Variants in PHF2 observed in about 807,000 individuals in gnomAD.
The protein encoded by PHF2 is PHD finger protein 2, also known as lysine-specific demethylase PHF2.
In PHF2, 27 loss-of-function variants were observed where a neutral mutation model predicts 120.5. That is an observed-to-expected ratio of 0.22 (90% CI 0.17 to 0.31). The LOEUF (loss-of-function observed/expected upper bound fraction) is 0.31, where lower values mean the gene tolerates loss of function less well. Among genes scored for constraint, PHF2 ranks in the 10% least tolerant of loss-of-function variants. The pLI is 1.00. For synonymous variants in PHF2, 568 were observed against 592.5 expected (o/e 0.96, Z 0.60); for missense variants, 1,024 against 1,434.8 (o/e 0.71, Z 4.63).
chr9:93,583,826 C>CTTTTTTTTTT (rs113746371), intron 1 of PHF2, among the ~76,000 whole-genome samples: 1 of 124,632 alleles, frequency 8.0e-6, no homozygotes, highest in African/African-American at 3.0e-5. Context: ...TTTTTCTTTT[C>CTTTTTTTTTT]TTTTTTTTTT....
At chr9:93,647,846 G>A (rs1437073374) in intron 4 of PHF2, among the ~76,000 whole-genome samples, 1 of 151,264 alleles carries the variant, frequency 6.6e-6, no homozygotes, top group African/African-American at 2.4e-5. Flanking sequence ...CCAAGATCGT[G>A]CCACTGCACT....
At position 93,576,671 on chromosome 9, in the gene PHF2, G is replaced by GCCCCGCCGC. The variant is rs1233553069; in HGVS notation, c.-87_-79dup. ...CCCTCCCGGCCGCGGCGCCGCCTGC[G>GCCCCGCCGC]CCCCGCCGCCCCCGCCGCCCCCGCG... On this transcript the variant is annotated 5_prime_UTR_variant, in exon 1 of 22. Transcript: ENST00000359246. The GCCCCGCCGC allele has an allele frequency of 1.1e-3, 204 of 191,790 alleles. No homozygotes were observed. The highest frequency in any genetic ancestry group is 1.3e-3 in the Non-Finnish European group (143 of 109,232). 11.9% of individuals were successfully genotyped at this position (191,790 alleles called of 1,614,324 possible).
At chr9:93,666,787 G>A (rs750382738) in intron 16 of PHF2, among the ~76,000 whole-genome samples, 12 of 152,210 alleles carry the variant, frequency 7.9e-5, no homozygotes, top group Middle Eastern at 3.4e-3. Flanking sequence ...AAAATTAGCC[G>A]AGCGAGTGAG....
intron 1 of PHF2, among the ~76,000 whole-genome samples, chr9:93,589,259 C>G (rs1182763694): frequency 1.3e-5 from 2 of 152,186 alleles, no homozygotes; most frequent in African/African-American, 4.8e-5. Flanking sequence ...TTGAGGGAAA[C>G]CTTTCTAATA....
chr9:93,672,583 CA>C (rs1010071440), intron 17 of PHF2: 1 of 967,252 alleles, frequency 1.0e-6, no homozygotes, highest in African/African-American at 2.0e-5. Context: ...TAGGTGTAGG[CA>C]CCAGTGTAGA....
chr9:93,578,826 G>C (rs1409159715), intron 1 of PHF2, among the ~76,000 whole-genome samples: 1 of 152,234 alleles, frequency 6.6e-6, no homozygotes, highest in Non-Finnish European at 1.5e-5. Flanking sequence ...GGAGGCTCTA[G>C]CTCCTTTTTT....
chr9:93,674,778 A>G (rs1302882513), intron 18 of PHF2, 149 bp from the exon 19 acceptor site: 3 of 611,384 alleles, frequency 4.9e-6, no homozygotes, highest in Middle Eastern at 4.3e-4. Context: ...AGCTTCCATC[A>G]CAGCTGACAG....
chr9:93,665,912 C>G, intron 15 of PHF2, 48 bp downstream of exon 15: 1 of 1,612,348 alleles, frequency 6.2e-7, no homozygotes, highest in South Asian at 1.1e-5. Flanking sequence ...GAGGCCCATC[C>G]TGCCCCGGAG....
At chr9:93,664,529 G>GT (rs1826640927) in intron 14 of PHF2, among the ~76,000 whole-genome samples, 1 of 152,210 alleles carries the variant, frequency 6.6e-6, no homozygotes, top group Non-Finnish European at 1.5e-5. Context: ...CCAGGTTGTA[G>GT]TTTCCTCATT....
intron 1 of PHF2, among the ~76,000 whole-genome samples, chr9:93,614,447 G>T (rs1304277694): frequency 1.3e-5 from 2 of 152,226 alleles, no homozygotes; most frequent in East Asian, 3.8e-4. Context: ...CCCTCCTGCT[G>T]AAGAGAAGCA....
intron 16 of PHF2, 21 bp downstream of exon 16, chr9:93,666,081 C>G: frequency 6.2e-7 from 1 of 1,607,634 alleles, no homozygotes; most frequent in Non-Finnish European, 8.5e-7. Flanking sequence ...TTACAGGCCC[C>G]CCTCAGTCTC....
chr9:93,649,782 C>A (rs1474257141), intron 5 of PHF2, among the ~76,000 whole-genome samples: 2 of 152,158 alleles, frequency 1.3e-5, no homozygotes, highest in East Asian at 3.9e-4. Context: ...ATGACATGCT[C>A]ACCCATAGAT....
At chr9:93,587,955 G>T (rs961656981) in intron 1 of PHF2, among the ~76,000 whole-genome samples, 2 of 152,320 alleles carry the variant, frequency 1.3e-5, no homozygotes, top group African/African-American at 4.8e-5. Flanking sequence ...CACTGTGAAG[G>T]CATGTGACTT....
At chr9:93,609,182 A>G (rs1429629264) in intron 1 of PHF2, among the ~76,000 whole-genome samples, 1 of 151,676 alleles carries the variant, frequency 6.6e-6, no homozygotes, top group African/African-American at 2.4e-5. Context: ...AGCAAGAAAT[A>G]GTATTCCTAA....
chr9:93,675,597 G>T (rs1826895090), intron 19 of PHF2, 83 bp from the exon 20 acceptor site: 1 of 1,046,448 alleles, frequency 9.6e-7, no homozygotes, highest in Non-Finnish European at 1.4e-6. Context: ...ACAGGCTGGG[G>T]TGGGGGCAGG....
chr9:93,637,118 C>G (rs1446863910), intron 3 of PHF2, among the ~76,000 whole-genome samples: 1 of 152,252 alleles, frequency 6.6e-6, no homozygotes, highest in Non-Finnish European at 1.5e-5. Flanking sequence ...TTCTCCCTCA[C>G]TTTTGAAGGA....
At chr9:93,600,128 TG>T (rs1217742539) in intron 1 of PHF2, among the ~76,000 whole-genome samples, 1 of 151,968 alleles carries the variant, frequency 6.6e-6, no homozygotes, top group Non-Finnish European at 1.5e-5. Flanking sequence ...GTGTGTGGTA[TG>T]TGTGTAATGT....
chr9:93,670,929 T>A (rs1358798326), intron 17 of PHF2: 1 of 891,138 alleles, frequency 1.1e-6, no homozygotes, highest in Non-Finnish European at 1.3e-6. Flanking sequence ...AGCCTGGGAG[T>A]CTGTGTGGAG....
intron 1 of PHF2, among the ~76,000 whole-genome samples, chr9:93,583,905 C>T (rs572473306): frequency 5.3e-5 from 8 of 150,498 alleles, no homozygotes; most frequent in South Asian, 4.2e-4. Flanking sequence ...CTCAGCTCAC[C>T]ACAACCTCTG....
Sources: allele counts gnomAD v4.1 joint callset (sites outside exome capture counted in the v4.1 genomes callset), GRCh38; gene constraint gnomAD v4.1.1; transcripts MANE v1.5; gene names NCBI Gene and HGNC (gene_info 2026-07-23, HGNC 2026-07-21).